Variants in FREM2 observed in about 807,000 individuals in gnomAD.
The protein encoded by FREM2 is FRAS1 related extracellular matrix 2.
Under a neutral mutation model 219.9 loss-of-function variants are expected in FREM2, and 119 were observed. The observed-to-expected ratio is 0.54, with a 90% confidence interval of 0.47 to 0.63. FREM2 has a LOEUF of 0.63. FREM2 is among the 30% of genes least tolerant of loss of function. FREM2 has a pLI of 0.00. For missense variants in FREM2, 4,030 were observed against 3,993.6 expected (o/e 1.01, Z -0.25); for synonymous variants, 1,562 against 1,522.8 (o/e 1.03, Z -0.60).
At chr13:38,852,808 G>A (rs959224951) in intron 11 of FREM2, among the ~76,000 whole-genome samples, 9 of 150,920 alleles carry the variant, frequency 6.0e-5, no homozygotes, top group Non-Finnish European at 7.4e-5. Context: ...AGGTTCAAGC[G>A]ATCCTCCCAC....
intron 6 of FREM2, chr13:38,821,573 G>A (rs1034201089): frequency 1.3e-5 from 2 of 151,890 alleles, no homozygotes; most frequent in Non-Finnish European, 1.5e-5. Flanking sequence ...TAAGAAACAG[G>A]TCTTTTTTCT....
In FREM2 at chr13:38,689,351, G is replaced by A. The variant is rs1425945886; in HGVS notation, c.2007G>A (p.Gln669=). The A allele has an allele frequency of 3.1e-6, 5 of 1,613,970 alleles. No individual in the cohort carries two copies. The highest frequency in any genetic ancestry group is 3.4e-6 in the Non-Finnish European group (4 of 1,180,036). The change falls in exon 1 of 24, where the codon CAG becomes CAA. Residue 669 remains glutamine (Q), a synonymous_variant. Coordinates refer to ENST00000280481, the MANE Select transcript of FREM2 (RefSeq NM_207361.6). ...GPHSPGPVTD[Q]FTFRVQDNHD... is the part of the protein sequence containing the mutation. ...ATAGTCCTGGGCCAGTCACAGACCA[G>A]TTCACATTTAGAGTCCAGGATAACC...
At chr13:38,718,190 T>C (rs542712478) in intron 2 of FREM2, among the ~76,000 whole-genome samples, 6 of 152,356 alleles carry the variant, frequency 3.9e-5, no homozygotes, top group Admixed American at 1.3e-4. Context: ...TTTTTAATGA[T>C]TGCTTTGTAT....
Position 38,691,909 on chromosome 13 carries a change from T to G in FREM2, c.4565T>G (p.Phe1522Cys). ...GGACGTAACCCTGTCTTTCGGACAT[T>G]CCGTATCTCCATTAGCGATGTGGAC... ...TDGRNPVFRTFRISISDVDNK... is the reference protein window; with the variant it reads ...TDGRNPVFRTCRISISDVDNK... Residue 1522 changes from phenylalanine (F) to cysteine (C), a missense_variant, in exon 1 of 24, where the codon TTC (phenylalanine) becomes TGC (cysteine). By Grantham distance (205) the Phe-to-Cys change is radical. Transcript: ENST00000280481. The G allele has an allele frequency of 6.2e-7, 1 of 1,614,184 alleles. No individual in the cohort carries two copies. The highest frequency in any genetic ancestry group is 8.5e-7 in the Non-Finnish European group (1 of 1,180,046).
chr13:38,823,141 C>T (rs1439159524), intron 6 of FREM2, among the ~76,000 whole-genome samples: 1 of 152,036 alleles, frequency 6.6e-6, no homozygotes, highest in Non-Finnish European at 1.5e-5. Context: ...TCCTTCCTCT[C>T]AGTCCTCACC....
In FREM2 at chr13:38,689,008, C is replaced by G. The variant is rs1158352526; in HGVS notation, c.1664C>G (p.Pro555Arg). Residue 555 changes from proline to arginine, a missense_variant, in exon 1 of 24, where the codon CCT (proline) becomes CGT (arginine). Coordinates refer to ENST00000280481, the MANE Select transcript of FREM2 (RefSeq NM_207361.6). ...VQFLFPITLV[P>R]VDDQPPVLNA... ...TTTCTGTTCCCCATCACCTTAGTGCCTGTGGATGACCAGCCACCTGTTCTC... is the reference window on the plus strand; with the variant it reads ...TTTCTGTTCCCCATCACCTTAGTGCGTGTGGATGACCAGCCACCTGTTCTC... The G allele has an allele frequency of 4.3e-6, 7 of 1,613,886 alleles. No homozygotes were observed. Among genetic ancestry groups the G allele is most frequent in the Non-Finnish European group, 5.9e-6 (7 of 1,179,960 alleles).
At chr13:38,829,776 T>G (rs9548467) in intron 6 of FREM2, among the ~76,000 whole-genome samples, 8 of 151,856 alleles carry the variant, frequency 5.3e-5, no homozygotes, top group African/African-American at 1.9e-4. Context: ...CAATAGATAG[T>G]GTCTGGAAAC....
At chr13:38,815,262 G>C (rs1875719856) in intron 6 of FREM2, among the ~76,000 whole-genome samples, 1 of 152,030 alleles carries the variant, frequency 6.6e-6, no homozygotes, top group Admixed American at 6.6e-5. Flanking sequence ...GTTTCCTTAA[G>C]ATCATTGTTT....
rs748915402 is a variant in FREM2, at chr13:38,859,328, T to C, written c.7257T>C (p.Ser2419=). 1 of 1,614,238 alleles carries C rather than the reference T, an allele frequency of 6.2e-7. No individual in the cohort carries two copies. The highest frequency in any genetic ancestry group is 1.1e-5 in the South Asian group (1 of 91,082). ...PKYSDYDKTG[S]ICASENINDT... ...ATTCAGACTACGATAAAACAGGCTC[T>C]ATCTGTGCAAGTGAGAACATCAATG... is the stretch of plus-strand genomic sequence containing the variant. Residue 2419 remains serine, a synonymous_variant, in exon 14 of 24, where the codon TCT becomes TCC. Transcript: ENST00000280481.
In FREM2 at chr13:38,688,868, A is replaced by G. The variant is rs763934015; in HGVS notation, c.1524A>G (p.Thr508=). 1.9e-6 allele frequency: 3 copies of G among 1,613,424 alleles called. No individual in the cohort carries two copies. The highest frequency in any genetic ancestry group is 1.3e-5 in the African/African-American group (1 of 74,862). The change falls in exon 1 of 24, where the codon ACA becomes ACG. Residue 508 remains threonine (T), a synonymous_variant. Transcript: ENST00000280481. ...GCAGCTCTGCTCCCAAGAGCTTTAC[A>G]GTGGCTGAGCTGGCAGCCGGCCAGG... The part of the protein sequence containing the change: ...SSGSSAPKSF[T]VAELAAGQVV...
rs539066457 is a variant in FREM2, at chr13:38,818,593, A to G, written c.6020-27980A>G. 1.2e-3 allele frequency among the ~76,000 whole-genome samples: 184 copies of G among 152,286 alleles called. 1 individual carries two copies. Among genetic ancestry groups the G allele is most frequent in the African/African-American group, 4.2e-3 (173 of 41,570 alleles). On this transcript the variant is annotated intron_variant, in intron 6 of 23. Coordinates refer to ENST00000280481, the MANE Select transcript of FREM2 (RefSeq NM_207361.6). ...GGTTGATTAATAGGTACATGTTACA[A>G]TTACATAGAAGGAATAAATTCCAGT...
In FREM2 at chr13:38,746,518, A is replaced by C. The variant is rs137918590; in HGVS notation, c.5264-17786A>C. On this transcript the variant is annotated intron_variant, in intron 2 of 23. Coordinates refer to ENST00000280481, the MANE Select transcript of FREM2 (RefSeq NM_207361.6). The stretch of plus-strand genomic sequence containing the variant: ...GGAGGCAGAGAATTGAGTGCAGGGT[A>C]AGTTACCTAAGAGGAATGGTCTAAA... 3.9e-5 allele frequency among the ~76,000 whole-genome samples: 6 copies of C among 152,314 alleles called. No homozygotes were observed. In the East Asian group the frequency reaches 7.7e-4, roughly 20 times the overall value.
chr13:38,723,479 A>T (rs956030721), intron 2 of FREM2, among the ~76,000 whole-genome samples: 5 of 152,144 alleles, frequency 3.3e-5, no homozygotes, highest in Non-Finnish European at 7.4e-5. Context: ...GGGCTTTTAA[A>T]CTGGGGCTGG....
At chr13:38,758,141 C>T (rs1324193273) in intron 2 of FREM2, among the ~76,000 whole-genome samples, 1 of 152,186 alleles carries the variant, frequency 6.6e-6, no homozygotes, top group Non-Finnish European at 1.5e-5. Context: ...CCAGGGTGGG[C>T]TGCAGATGTA....
chr13:38,876,207 C>T, intron 19 of FREM2, 41 bp from the exon 20 acceptor site: 1 of 1,613,998 alleles, frequency 6.2e-7, no homozygotes, highest in Non-Finnish European at 8.5e-7. Flanking sequence ...GATTACACCT[C>T]AGATTTTTAA....
rs935915406 is a variant in FREM2 at position 38,762,218 on chromosome 13, C to A, written c.5264-2086C>A. On this transcript the variant is annotated intron_variant, in intron 2 of 23. Transcript: ENST00000280481. ...CTCTCCAGAAAAGGAAACAGAGATC[C>A]AGAGAAGTAACTTGGTCAGAGTCAG... Among the ~76,000 whole-genome samples the A allele has an allele frequency of 3.9e-4, 60 of 152,074 alleles. 1 individual carries two copies. Among genetic ancestry groups the A allele is most frequent in the Non-Finnish European group, 4.3e-4 (29 of 68,016 alleles).
chr13:38,740,965 T>C (rs1465507881), intron 2 of FREM2, among the ~76,000 whole-genome samples: 1 of 152,196 alleles, frequency 6.6e-6, no homozygotes, highest in Non-Finnish European at 1.5e-5. Context: ...TGCAACTCTC[T>C]GTGTTTGTGC....
intron 6 of FREM2, among the ~76,000 whole-genome samples, chr13:38,813,115 C>G (rs1252844995): frequency 6.6e-6 from 1 of 152,008 alleles, no homozygotes; most frequent in South Asian, 2.1e-4. Flanking sequence ...CAGTGTTATA[C>G]TATTCTGTGT....
Position 38,858,052 on chromosome 13 carries a change from A to G in FREM2, c.7215+19A>G. The G allele has an allele frequency of 1.9e-6, 3 of 1,582,402 alleles. No homozygotes were observed. The South Asian group carries it at 3.3e-5, about 18-fold the overall frequency. On this transcript the variant is annotated intron_variant, in intron 13 of 23. Transcript: ENST00000280481. ...TATCACAGTGAGTAGGAGATTCACAAAATTGAGGAAAATTGTAAGATAATT... is the reference window on the plus strand; with the variant it reads ...TATCACAGTGAGTAGGAGATTCACAGAATTGAGGAAAATTGTAAGATAATT...
Sources: allele counts gnomAD v4.1 joint callset (sites outside exome capture counted in the v4.1 genomes callset), GRCh38; gene constraint gnomAD v4.1.1; transcripts MANE v1.5; gene names NCBI Gene and HGNC (gene_info 2026-07-23, HGNC 2026-07-21).